The following RAB27B variants were observed in gnomAD, a reference collection of about 807,000 sequenced individuals.
RAB27B encodes ras-related protein Rab-27B.
RAB27B carries 15 observed loss-of-function variants against 24.6 expected under a neutral mutation model. That is an observed-to-expected ratio of 0.61 (90% CI 0.41 to 0.94). The LOEUF is 0.94. Ranked by LOEUF, RAB27B falls within the 40% of genes least tolerant of loss-of-function variation. RAB27B has a pLI of 0.00. For synonymous variants in RAB27B, 105 were observed against 92.5 expected (o/e 1.14, Z -0.78); for missense variants, 261 against 266.8 (o/e 0.98, Z 0.15).
intron 1 of RAB27B, among the ~76,000 whole-genome samples, chr18:54,857,179 C>G (rs1911817235): frequency 6.6e-6 from 1 of 152,056 alleles, no homozygotes; most frequent in Non-Finnish European, 1.5e-5. Context: ...CATTTAATGC[C>G]CAACCTCATA....
intron 1 of RAB27B, among the ~76,000 whole-genome samples, chr18:54,851,431 A>C (rs921039951): frequency 2.6e-5 from 4 of 152,214 alleles, no homozygotes; most frequent in African/African-American, 4.8e-5. Context: ...TCTTATGCAT[A>C]TAAAAACATT....
chr18:54,762,602 T>C (rs913621815), intron 2 of RAB27B, among the ~76,000 whole-genome samples: 1 of 152,184 alleles, frequency 6.6e-6, no homozygotes, highest in African/African-American at 2.4e-5. Context: ...TTTCCTCTCT[T>C]GGGAGTATCT....
At chr18:54,814,265 C>T (rs1910055983) in intron 2 of RAB27B, among the ~76,000 whole-genome samples, 1 of 152,178 alleles carries the variant, frequency 6.6e-6, no homozygotes. Flanking sequence ...TTTGCCATTG[C>T]ACTGGGAAAG....
chr18:54,872,625 TAAAAA>T (rs67765103), intron 1 of RAB27B, among the ~76,000 whole-genome samples: 1 of 137,578 alleles, frequency 7.3e-6, no homozygotes, highest in Non-Finnish European at 1.5e-5. Context: ...AACTCTGCCT[TAAAAA>T]AAAAAAAAAA....
At chr18:54,862,117 A>G (rs959643775) in intron 1 of RAB27B, among the ~76,000 whole-genome samples, 2 of 152,166 alleles carry the variant, frequency 1.3e-5, no homozygotes, top group Admixed American at 6.5e-5. Flanking sequence ...ACTTAAGAAG[A>G]CAAGCAGAAA....
intron 2 of RAB27B, among the ~76,000 whole-genome samples, chr18:54,766,393 C>T (rs1484158602): frequency 1.3e-5 from 2 of 152,084 alleles, no homozygotes; most frequent in African/African-American, 4.8e-5. Context: ...TTTGGGAGAC[C>T]TGGGTTTCAT....
At chr18:54,826,211 A>G (rs1159994245), upstream of RAB27B, among the ~76,000 whole-genome samples, 1 of 152,212 alleles carries the variant, frequency 6.6e-6, no homozygotes, top group East Asian at 1.9e-4. Flanking sequence ...TCAGTGCCAT[A>G]TTGATTGAAT....
chr18:54,889,155 C>T, intron 5 of RAB27B, 69 bp from the exon 6 acceptor site: 1 of 1,424,526 alleles, frequency 7.0e-7, no homozygotes, highest in Non-Finnish European at 9.4e-7. Context: ...GTGTGATTCA[C>T]TTGTACATCT....
chr18:54,787,470 G>T (rs1312497258), intron 2 of RAB27B, among the ~76,000 whole-genome samples: 1 of 152,158 alleles, frequency 6.6e-6, no homozygotes, highest in Non-Finnish European at 1.5e-5. Flanking sequence ...AGCTTCTAAA[G>T]TAACTCTCAC....
At chr18:54,718,663 C>T (rs1416176178) in intron 2 of RAB27B, among the ~76,000 whole-genome samples, 2 of 152,128 alleles carry the variant, frequency 1.3e-5, no homozygotes, top group Non-Finnish European at 2.9e-5. Flanking sequence ...AATACCACAG[C>T]TAGTAGATGG....
chr18:54,788,121 G>A (rs1909145512), intron 2 of RAB27B, among the ~76,000 whole-genome samples: 1 of 152,160 alleles, frequency 6.6e-6, no homozygotes, highest in Non-Finnish European at 1.5e-5. Flanking sequence ...AAAAAATAGA[G>A]TGGAAAGAAT....
chr18:54,726,227 T>A (rs1909532663), intron 2 of RAB27B, among the ~76,000 whole-genome samples: 2 of 151,544 alleles, frequency 1.3e-5, no homozygotes, highest in South Asian at 2.1e-4. Flanking sequence ...AAAACTCAAG[T>A]ATCATAAATC....
chr18:54,850,147 C>T (rs1448268796), intron 1 of RAB27B, among the ~76,000 whole-genome samples: 1 of 151,524 alleles, frequency 6.6e-6, no homozygotes. Flanking sequence ...TGGGCTCTGG[C>T]ATATTCTAAA....
chr18:54,783,588 A>G (rs886907346), intron 2 of RAB27B, among the ~76,000 whole-genome samples: 3 of 152,068 alleles, frequency 2.0e-5, no homozygotes, highest in Admixed American at 1.3e-4. Context: ...TTAATATTAC[A>G]TATGATTGTA....
chr18:54,760,792 T>C (rs1908162310), intron 2 of RAB27B, among the ~76,000 whole-genome samples: 1 of 152,150 alleles, frequency 6.6e-6, no homozygotes, highest in African/African-American at 2.4e-5. Flanking sequence ...GAGGATGCCA[T>C]GTTTGGTGGG....
chr18:54,829,406 C>G (rs375995152), intron 1 of RAB27B, among the ~76,000 whole-genome samples: 13 of 152,168 alleles, frequency 8.5e-5, no homozygotes, highest in African/African-American at 2.9e-4. Flanking sequence ...TTGGTTAGAG[C>G]CTTCACACCT....
At position 54,764,810 on chromosome 18, in the gene RAB27B, G is replaced by A. The variant is rs554386613; in HGVS notation, c.-20+46669G>A. On this transcript the variant is annotated intron_variant, in intron 2 of 4. Transcript: ENST00000586570. The stretch of plus-strand genomic sequence containing the variant: ...TTTATCTACTCCAGGGAAGGTGTTT[G>A]TCCTAAACTCCAAACTTTGTCTTCT... Among the ~76,000 whole-genome samples the A allele has an allele frequency of 7.2e-5, 11 of 152,144 alleles. No individual in the cohort carries two copies. In the South Asian group the frequency reaches 2.3e-3, roughly 32 times the overall value.
At chr18:54,765,287 C>T (rs1908326029) in intron 2 of RAB27B, among the ~76,000 whole-genome samples, 1 of 152,076 alleles carries the variant, frequency 6.6e-6, no homozygotes, top group African/African-American at 2.4e-5. Flanking sequence ...CCACTGTGCC[C>T]AGCCCCTCTC....
chr18:54,879,435 G>A lies in RAB27B; in HGVS notation c.220G>A (p.Asp74Asn). The change falls in exon 3 of 6, where the codon GAC (aspartate) becomes AAC (asparagine). Residue 74 changes from aspartate (D) to asparagine (N), a missense_variant. Transcript: ENST00000262094. ...ATTTAAAGTGCATCTTCAGCTTTGG[G>A]ACACTGCGGGACAAGAGCGGTAATA... The part of the protein sequence containing the change: ...KAFKVHLQLW[D>N]TAGQERFRSL... 1.9e-6 allele frequency: 3 copies of A among 1,612,036 alleles called. No homozygotes were observed. Among genetic ancestry groups the A allele is most frequent in the Non-Finnish European group, 2.5e-6 (3 of 1,178,166 alleles).
Sources: allele counts gnomAD v4.1 joint callset (sites outside exome capture counted in the v4.1 genomes callset), GRCh38; gene constraint gnomAD v4.1.1; transcripts MANE v1.5; gene names NCBI Gene and HGNC (gene_info 2026-07-23, HGNC 2026-07-21).